The following EPB41 variants were observed in gnomAD, a reference collection of about 807,000 sequenced individuals.
EPB41 encodes protein 4.1.
A neutral mutation model predicts 108.0 loss-of-function variants in EPB41; 65 were observed. The observed-to-expected ratio is 0.60, with a 90% CI of 0.49 to 0.74. The LOEUF (loss-of-function observed/expected upper bound fraction) is 0.74. Among genes scored for constraint, EPB41 ranks in the 30% least tolerant of loss-of-function variants. EPB41 has a pLI of 0.00. For synonymous variants in EPB41, 336 were observed against 358.9 expected (o/e 0.94, Z 0.72); for missense variants, 875 against 1,037.0 (o/e 0.84, Z 2.15).
At chr1:29,017,993 A>C (rs1035096348) in intron 6 of EPB41, among the ~76,000 whole-genome samples, 1 of 151,818 alleles carries the variant, frequency 6.6e-6, no homozygotes, top group Non-Finnish European at 1.5e-5. Flanking sequence ...TTAAGTTTTA[A>C]TATGTAAAAA....
At chr1:29,034,328 A>G (rs577312976) in intron 9 of EPB41, among the ~76,000 whole-genome samples, 5 of 152,198 alleles carry the variant, frequency 3.3e-5, no homozygotes, top group Admixed American at 6.5e-5. Context: ...GAAAATGGGA[A>G]ATCCTTAGCT....
chr1:29,012,031 G>A, intron 5 of EPB41, 124 bp downstream of exon 5: 8 of 1,000,754 alleles, frequency 8.0e-6, no homozygotes, highest in Admixed American at 4.2e-5. Flanking sequence ...CTTTGAAATC[G>A]AGATAAAGCC....
chr1:28,916,132 A>G (rs1449945387), intron 1 of EPB41, among the ~76,000 whole-genome samples: 5 of 152,188 alleles, frequency 3.3e-5, no homozygotes, highest in African/African-American at 9.7e-5. Flanking sequence ...TGTTATTAAT[A>G]TAATCCATGT....
chr1:29,070,559 A>G (rs959294824), intron 16 of EPB41: 3 of 1,231,964 alleles, frequency 2.4e-6, no homozygotes, highest in East Asian at 3.2e-5. Flanking sequence ...TATTCCTTTC[A>G]TGATGTCTTT....
rs116262827 is a variant in EPB41 at position 29,115,616 on chromosome 1, A to T, written c.2497-83A>T. The T allele has an allele frequency of 7.7e-4, 902 of 1,178,682 alleles. 5 individuals are homozygous for T. The African/African-American group carries it at 0.011, about 14-fold the overall frequency. 73.0% of individuals were successfully genotyped at this position (1,178,682 alleles called of 1,614,324 possible). On this transcript the variant is annotated intron_variant, in intron 19 of 20. Coordinates refer to ENST00000343067, the MANE Select transcript of EPB41 (RefSeq NM_001376013.1). The surrounding 1 kb of genome is among the most constrained non-coding windows in gnomAD (Gnocchi z 4.4). ...CAGACAGGAGTATTGGATCTGTCAG[A>T]ACATCAGAGAAATGATGACCACTGC...
intron 1 of EPB41, among the ~76,000 whole-genome samples, chr1:28,903,386 G>A (rs982740151): frequency 1.1e-4 from 16 of 147,716 alleles, no homozygotes; most frequent in Non-Finnish European, 1.6e-4. Flanking sequence ...GTGCAGTGGT[G>A]TGATCTCAGC....
intron 9 of EPB41, among the ~76,000 whole-genome samples, chr1:29,035,588 A>C (rs1435433988): frequency 6.6e-6 from 1 of 152,126 alleles, no homozygotes; most frequent in Non-Finnish European, 1.5e-5. Context: ...GGAAAAAAAA[A>C]AAAAAGCTTA....
rs2093430993 is a variant in EPB41, at chr1:28,926,113, G to A, written c.-8+11345G>A. Among the ~76,000 whole-genome samples, 3 of 151,694 alleles carry A rather than the reference G, an allele frequency of 2.0e-5. No homozygotes were observed. In the South Asian group the frequency reaches 6.2e-4, roughly 32 times the overall value. On this transcript the variant is annotated intron_variant, in intron 1 of 20. Coordinates refer to ENST00000343067, the MANE Select transcript of EPB41 (RefSeq NM_001376013.1). ...TAATCCCAGCACTTTGGGAGGCCGA[G>A]GCAGGTGGATCACCTGAAGTCAGAA...
At chr1:28,941,963 G>A (rs913929161) in intron 1 of EPB41, among the ~76,000 whole-genome samples, 1 of 150,550 alleles carries the variant, frequency 6.6e-6, no homozygotes, top group African/African-American at 2.4e-5. Flanking sequence ...AATTTGTAGA[G>A]TTGTAGAAAA....
chr1:28,925,376 G>A (rs2093387671), intron 1 of EPB41, among the ~76,000 whole-genome samples: 2 of 152,042 alleles, frequency 1.3e-5, no homozygotes, highest in Admixed American at 6.6e-5. Flanking sequence ...CTCCTAAAGT[G>A]TTGGGATTAT....
rs753698117 is a variant in EPB41, at chr1:29,109,341, C to T, written c.2319C>T (p.Asp773=). ...AGCCATGCTTTCTTCTGCAGACTGA[C>T]GACAACAGTGGAGACTTGGACCCAG... ...KTITYEAAQT[D]DNSGDLDPGV... Residue 773 remains aspartate (D), a synonymous_variant, in exon 18 of 21, where the codon GAC becomes GAT. Coordinates refer to ENST00000343067, the MANE Select transcript of EPB41 (RefSeq NM_001376013.1). 1.4e-5 allele frequency: 22 copies of T among 1,613,648 alleles called. No individual in the cohort carries two copies. The highest frequency in any genetic ancestry group is 2.2e-5 in the East Asian group (1 of 44,888).
At chr1:28,905,803 T>A (rs938756802) in intron 1 of EPB41, among the ~76,000 whole-genome samples, 1 of 124,746 alleles carries the variant, frequency 8.0e-6, no homozygotes, top group African/African-American at 2.7e-5. Flanking sequence ...CTTCTCTCTT[T>A]CTTTTTCTTT....
At chr1:28,944,697 C>T (rs962825798) in intron 1 of EPB41, among the ~76,000 whole-genome samples, 13 of 151,682 alleles carry the variant, frequency 8.6e-5, no homozygotes, top group South Asian at 4.2e-4. Flanking sequence ...CCACCACGCC[C>T]GGCTAATTTT....
At chr1:29,004,931 G>GT (rs747705108) in intron 4 of EPB41, among the ~76,000 whole-genome samples, 1 of 152,152 alleles carries the variant, frequency 6.6e-6, no homozygotes, top group Non-Finnish European at 1.5e-5. Flanking sequence ...TCTCTTATGT[G>GT]TATGCGTGGG....
intron 1 of EPB41, among the ~76,000 whole-genome samples, chr1:28,983,783 A>G (rs1259954982): frequency 6.6e-6 from 1 of 152,000 alleles, no homozygotes; most frequent in East Asian, 1.9e-4. Context: ...TCGACATGCC[A>G]TCCACGAACA....
chr1:29,011,790 A>G (rs1170501091), intron 4 of EPB41, 75 bp from the exon 5 acceptor site: 5 of 1,499,134 alleles, frequency 3.3e-6, no homozygotes, highest in Non-Finnish European at 4.6e-6. Flanking sequence ...GAAGATAGTC[A>G]GTGATCTTGC....
rs775359253 is a variant in EPB41 at position 29,035,817 on chromosome 1, T to G, written c.1366-9T>G. On this transcript the variant is annotated splice_polypyrimidine_tract_variant and intron_variant, in intron 9 of 20. Transcript: ENST00000343067. ...ACTTCATGTCCCATGTTTATTTGTG[T>G]TTTTGTAGCAAGAGCAGTATGAAAG... 6.2e-7 allele frequency: 1 copy of G among 1,606,574 alleles called. No individual in the cohort carries two copies. Among genetic ancestry groups the G allele is most frequent in the Non-Finnish European group, 8.5e-7 (1 of 1,173,286 alleles).
intron 4 of EPB41, among the ~76,000 whole-genome samples, chr1:29,007,654 G>A (rs1166149988): frequency 6.6e-6 from 1 of 152,048 alleles, no homozygotes; most frequent in African/African-American, 2.4e-5. Context: ...CTGTTTTGCG[G>A]TATTGATGAT....
At chr1:28,897,621 AGGGGAGAGG>A in intron 1 of EPB41, among the ~76,000 whole-genome samples, 1 of 51,720 alleles carries the variant, frequency 1.9e-5, no homozygotes, top group Non-Finnish European at 3.3e-5. Flanking sequence ...AGGGGAGAGG[AGGGGAGAGG>A]AGGGGAGAGG....
Sources: allele counts gnomAD v4.1 joint callset (sites outside exome capture counted in the v4.1 genomes callset), GRCh38; gene constraint gnomAD v4.1.1; non-coding constraint Gnocchi (gnomAD v3.1); transcripts MANE v1.5; gene names NCBI Gene and HGNC (gene_info 2026-07-23, HGNC 2026-07-21).